Variants in VAC14 observed in about 807,000 individuals in gnomAD.
The protein encoded by VAC14 is VAC14 component of PIKFYVE complex.
A neutral mutation model predicts 85.3 loss-of-function variants in VAC14; 47 were observed. That is an observed-to-expected ratio of 0.55 (90% CI 0.44 to 0.70). The LOEUF (loss-of-function observed/expected upper bound fraction) is 0.70, where lower values mean the gene tolerates loss of function less well. Ranked by LOEUF, VAC14 falls within the 30% of genes least tolerant of loss-of-function variation. The pLI, the probability that VAC14 is intolerant of heterozygous loss-of-function variation, is 0.00. For synonymous variants in VAC14, 447 were observed against 430.5 expected, an observed-to-expected ratio of 1.04 and a Z score of -0.47; for missense variants, 861 against 1,004.3, an observed-to-expected ratio of 0.86 and a Z score of 1.93.
intron 12 of VAC14, among the ~76,000 whole-genome samples, chr16:70,751,334 G>A (rs538677520): frequency 2.8e-4 from 42 of 152,358 alleles, no homozygotes; most frequent in Admixed American, 2.6e-4. Flanking sequence ...GGGGAGAGGT[G>A]AACTCAGGCT....
chr16:70,718,445 G>A (rs1288629000), intron 14 of VAC14, among the ~76,000 whole-genome samples: 3 of 151,822 alleles, frequency 2.0e-5, no homozygotes, highest in Admixed American at 1.3e-4. Flanking sequence ...GGTCGTGGGC[G>A]CCTGTAGTCC....
intron 14 of VAC14, among the ~76,000 whole-genome samples, chr16:70,712,144 G>A (rs545376649): frequency 8.6e-5 from 13 of 151,980 alleles, no homozygotes; most frequent in East Asian, 1.9e-4. Context: ...ATTTTAAGAC[G>A]GATGAAATAG....
At position 70,785,774 on chromosome 16, in the gene VAC14, G is replaced by C. The variant is rs112220599; in HGVS notation, c.351C>G (p.Leu117=). 24 of 1,586,840 alleles carry C rather than the reference G, an allele frequency of 1.5e-5. No individual in the cohort carries two copies. The African/African-American group carries it at 1.9e-4, about 12-fold the overall frequency. Residue 117 remains leucine, a synonymous_variant, in exon 3 of 19, where the codon CTC becomes CTG. Transcript: ENST00000261776. ...SRLRYYACEA[L]YNIVKVARGA... is the part of the protein sequence containing the mutation. ...CCCGGGCCACCTTGACGATGTTGTAGAGGGCCTCGCAGGCATAGTAGCGCA... is the reference window on the plus strand; with the variant it reads ...CCCGGGCCACCTTGACGATGTTGTACAGGGCCTCGCAGGCATAGTAGCGCA...
At chr16:70,741,397 G>A (rs1411739561) in intron 13 of VAC14, among the ~76,000 whole-genome samples, 1 of 152,134 alleles carries the variant, frequency 6.6e-6, no homozygotes, top group Non-Finnish European at 1.5e-5. Flanking sequence ...AGGTGGGGGG[G>A]CGGGGAAGCA....
intron 14 of VAC14, among the ~76,000 whole-genome samples, chr16:70,717,157 C>T (rs773832579): frequency 1.3e-5 from 2 of 152,258 alleles, no homozygotes; most frequent in Non-Finnish European, 2.9e-5. Context: ...AGGGTGGGCA[C>T]CCGACCCTTT....
At chr16:70,693,421 G>T (rs936299) in intron 17 of VAC14, among the ~76,000 whole-genome samples, 4,654 of 152,344 alleles carry the variant, frequency 0.031, 327 homozygotes, top group East Asian at 0.19. Context: ...TATAAATAGG[G>T]TGTGCTGGAG....
At chr16:70,753,276 G>A (rs978404053) in intron 12 of VAC14, among the ~76,000 whole-genome samples, 1 of 152,190 alleles carries the variant, frequency 6.6e-6, no homozygotes, top group Non-Finnish European at 1.5e-5. Flanking sequence ...TTAGCAGTGG[G>A]GGGACGGTCC....
chr16:70,789,451 A>G (rs1165224806), intron 1 of VAC14, among the ~76,000 whole-genome samples: 1 of 152,192 alleles, frequency 6.6e-6, no homozygotes, highest in Non-Finnish European at 1.5e-5. Flanking sequence ...CTTATATGCA[A>G]GGAGGCCCAA....
intron 13 of VAC14, among the ~76,000 whole-genome samples, chr16:70,740,372 C>T (rs945277508): frequency 4.6e-5 from 7 of 152,220 alleles, no homozygotes; most frequent in Admixed American, 4.6e-4. Context: ...CTCAGACTGA[C>T]ACATTACTGT....
chr16:70,737,254 G>C (rs2143006581), intron 13 of VAC14, among the ~76,000 whole-genome samples: 1 of 152,366 alleles, frequency 6.6e-6, no homozygotes, highest in South Asian at 2.1e-4. Flanking sequence ...GAGGAAAGTG[G>C]GAGCCGGGAC....
Position 70,786,201 on chromosome 16 carries a change from G to A in VAC14, c.255+14C>T. ...CCAGGACTGGTATGTCTGTCCCTTG[G>A]GTGAAAGGCCCACCTTGCCCAGTGC... is the stretch of plus-strand genomic sequence containing the variant. On this transcript the variant is annotated intron_variant, in intron 2 of 18. Transcript: ENST00000261776. The A allele has an allele frequency of 6.2e-7, 1 of 1,613,100 alleles. No individual in the cohort carries two copies. The highest frequency in any genetic ancestry group is 1.3e-5 in the African/African-American group (1 of 75,072).
At chr16:70,783,224 T>A (rs2033894567) in intron 6 of VAC14, 85 bp from the exon 7 acceptor site, 2 of 1,435,938 alleles carry the variant, frequency 1.4e-6, no homozygotes, top group African/African-American at 2.8e-5. Context: ...CCGTGCTGGG[T>A]CAGCCACCCA....
chr16:70,769,630 T>C (rs1349492953), intron 10 of VAC14: 2 of 152,358 alleles, frequency 1.3e-5, no homozygotes, highest in Non-Finnish European at 2.9e-5. Flanking sequence ...TTAGGTAGGA[T>C]TTGGCATTGG....
chr16:70,693,747 G>A (rs2053647813), intron 17 of VAC14, among the ~76,000 whole-genome samples: 2 of 152,246 alleles, frequency 1.3e-5, no homozygotes, highest in Admixed American at 6.5e-5. Context: ...AGCCTCTCCA[G>A]GAGAATCACT....
At chr16:70,698,365 T>A (rs531396682) in intron 15 of VAC14, among the ~76,000 whole-genome samples, 1 of 152,118 alleles carries the variant, frequency 6.6e-6, no homozygotes, top group African/African-American at 2.4e-5. Flanking sequence ...TGTCAACCAA[T>A]GGAAAAGGCA....
intron 12 of VAC14, among the ~76,000 whole-genome samples, chr16:70,755,785 G>C (rs2031791755): frequency 6.6e-6 from 1 of 152,216 alleles, no homozygotes; most frequent in Non-Finnish European, 1.5e-5. Context: ...CTCAAATGAA[G>C]GGGCCTCTAC....
chr16:70,731,863 C>T (rs1005592121), intron 13 of VAC14, among the ~76,000 whole-genome samples: 1 of 151,728 alleles, frequency 6.6e-6, no homozygotes, highest in African/African-American at 2.4e-5. Flanking sequence ...AAGTCCTACT[C>T]GTAACTTGAA....
chr16:70,743,286 A>G (rs1359306635), intron 13 of VAC14, among the ~76,000 whole-genome samples: 1 of 152,340 alleles, frequency 6.6e-6, no homozygotes, highest in African/African-American at 2.4e-5. Flanking sequence ...TACTCTGTAA[A>G]ATGGACTAAT....
intron 10 of VAC14, among the ~76,000 whole-genome samples, chr16:70,767,688 C>G (rs2032921971): frequency 6.6e-6 from 1 of 152,184 alleles, no homozygotes; most frequent in Non-Finnish European, 1.5e-5. Flanking sequence ...ACAGATCTAG[C>G]TTGAATTCCA....
Sources: gnomAD v4.1 joint callset for allele counts (sites outside exome capture counted in the v4.1 genomes callset) on GRCh38, gnomAD v4.1.1 for gene constraint, MANE v1.5 for transcripts, NCBI Gene and HGNC (gene_info 2026-07-23, HGNC 2026-07-21) for gene names.